Variants in CNOT1 observed in about 807,000 individuals in gnomAD.
CNOT1 encodes CCR4-NOT transcription complex subunit 1.
CNOT1 carries 15 observed loss-of-function variants against 273.8 expected under a neutral mutation model. The ratio of observed to expected loss-of-function variants is 0.05; its 90% CI spans 0.04 to 0.08. The LOEUF (loss-of-function observed/expected upper bound fraction) is 0.08, where lower values mean the gene tolerates loss of function less well. Ranked by LOEUF, CNOT1 falls within the 10% of genes least tolerant of loss-of-function variation. The pLI is 1.00. For missense variants in CNOT1, 1,644 were observed against 2,912.2 expected, an observed-to-expected ratio of 0.56 and a Z score of 10.02; for synonymous variants, 1,022 against 1,005.5, an observed-to-expected ratio of 1.02 and a Z score of -0.31.
chr16:58,586,831 A>C, intron 6 of CNOT1, 83 bp from the exon 7 acceptor site: 1 of 1,431,682 alleles, frequency 7.0e-7, no homozygotes, highest in Non-Finnish European at 9.6e-7. Context: ...AAATGCAGAT[A>C]ATCACCCTTC....
chr16:58,594,760 C>A (rs2042188990), intron 2 of CNOT1, among the ~76,000 whole-genome samples: 1 of 151,108 alleles, frequency 6.6e-6, no homozygotes, highest in African/African-American at 2.4e-5. Flanking sequence ...TGAGATTATG[C>A]CACTGCACTC....
intron 10 of CNOT1, 44 bp downstream of exon 10, chr16:58,582,749 C>A: frequency 8.9e-7 from 1 of 1,129,644 alleles, no homozygotes; most frequent in Non-Finnish European, 1.3e-6. Flanking sequence ...TGGACTATAT[C>A]ATTCAAATAC....
chr16:58,576,315 TTGGTCAGGC>T, intron 14 of CNOT1, 139 bp downstream of exon 14: 1 of 1,098,418 alleles, frequency 9.1e-7, no homozygotes, highest in African/African-American at 1.6e-5. Flanking sequence ...TCACCATGTT[TTGGTCAGGC>T]TGGTCTCGAA....
chr16:58,574,498 T>A, intron 16 of CNOT1, 111 bp downstream of exon 16: 1 of 1,069,294 alleles, frequency 9.4e-7, no homozygotes, highest in South Asian at 1.8e-5. Context: ...CTTAAAACCA[T>A]TGGACCATTT....
intron 22 of CNOT1, 32 bp downstream of exon 22, chr16:58,553,750 C>G (rs2040534943): frequency 6.3e-7 from 1 of 1,599,948 alleles, no homozygotes; most frequent in East Asian, 2.3e-5. Context: ...TACTACATAG[C>G]TATTTGGGTT....
intron 1 of CNOT1, among the ~76,000 whole-genome samples, chr16:58,609,381 C>A (rs1409734370): frequency 4.7e-5 from 7 of 147,554 alleles, no homozygotes; most frequent in African/African-American, 1.5e-4. Context: ...CAAAAAAAAA[C>A]ACAACAAAAT....
chr16:58,598,754 G>C (rs2042357113), intron 2 of CNOT1, among the ~76,000 whole-genome samples: 2 of 152,006 alleles, frequency 1.3e-5, no homozygotes, highest in African/African-American at 4.8e-5. Context: ...AAAAAGCTGT[G>C]AAAAATCTTT....
At chr16:58,604,621 T>TA (rs869046701) in intron 1 of CNOT1, among the ~76,000 whole-genome samples, 42,327 of 120,624 alleles carry the variant, frequency 0.35, 7,954 homozygotes, top group Non-Finnish European at 0.44. Flanking sequence ...ATCTCTGCTA[T>TA]AAAAAAAAAA....
intron 2 of CNOT1, among the ~76,000 whole-genome samples, chr16:58,590,024 T>C (rs912475263): frequency 1.3e-5 from 2 of 152,232 alleles, no homozygotes; most frequent in African/African-American, 4.8e-5. Flanking sequence ...TACCACTACC[T>C]GCTAATTTGT....
intron 2 of CNOT1, among the ~76,000 whole-genome samples, chr16:58,593,641 GA>G (rs1364653413): frequency 4.6e-5 from 7 of 151,530 alleles, no homozygotes; most frequent in Non-Finnish European, 7.4e-5. Flanking sequence ...GGCTGAGGCA[GA>G]AGAACTGCTT....
chr16:58,555,121 T>C (rs575765907), intron 21 of CNOT1, 130 bp downstream of exon 21: 5 of 1,318,176 alleles, frequency 3.8e-6, no homozygotes, highest in African/African-American at 1.5e-5. Context: ...AGTGGGAGAA[T>C]CACTTGAGCC....
intron 23 of CNOT1, 126 bp downstream of exon 23, chr16:58,551,463 G>A (rs1289550973): frequency 4.0e-6 from 5 of 1,260,522 alleles, no homozygotes; most frequent in Non-Finnish European, 5.5e-6. Flanking sequence ...TACAAAGGAA[G>A]ACATGTCAGT....
chr16:58,616,457 A>C (rs573840210), intron 1 of CNOT1, among the ~76,000 whole-genome samples: 5 of 152,030 alleles, frequency 3.3e-5, no homozygotes, highest in Admixed American at 3.3e-4. Context: ...GGGTCTTGCT[A>C]TATTGCCCAG....
chr16:58,549,845 C>T lies in CNOT1; in HGVS notation c.3396G>A (p.Gln1132=). The change falls in exon 25 of 49, where the codon CAG becomes CAA. Residue 1132 remains glutamine (Q), a synonymous_variant. Transcript: ENST00000317147. ...VKEEFMPWVS[Q]YLVMKRVSIE... ...TACTGACTCTCTTCATAACCAGATA[C>T]TGTGAAACCCAAGGCATAAATTCTT... 1 of 1,614,034 alleles carries T rather than the reference C, an allele frequency of 6.2e-7. No individual in the cohort carries two copies. Among genetic ancestry groups the T allele is most frequent in the Non-Finnish European group, 8.5e-7 (1 of 1,179,978 alleles).
chr16:58,589,685 G>GT (rs2041991511), intron 2 of CNOT1, among the ~76,000 whole-genome samples: 1 of 152,014 alleles, frequency 6.6e-6, no homozygotes, highest in Non-Finnish European at 1.5e-5. Flanking sequence ...ACAATTTTAC[G>GT]TAACTCAAAT....
intron 1 of CNOT1, among the ~76,000 whole-genome samples, chr16:58,609,090 C>G (rs1248309816): frequency 6.6e-6 from 1 of 152,240 alleles, no homozygotes; most frequent in African/African-American, 2.4e-5. Flanking sequence ...AAAGAACTTA[C>G]TCGCCAGGGG....
chr16:58,610,773 G>A (rs1024797366), intron 1 of CNOT1, among the ~76,000 whole-genome samples: 2 of 151,850 alleles, frequency 1.3e-5, no homozygotes, highest in African/African-American at 2.4e-5. Flanking sequence ...AACCCAGGAG[G>A]TGGAGCTTGC....
chr16:58,567,636 GTGTC>G (rs1379065041), intron 16 of CNOT1, among the ~76,000 whole-genome samples: 1 of 150,652 alleles, frequency 6.6e-6, no homozygotes, highest in African/African-American at 2.4e-5. Context: ...AACTAGAAAA[GTGTC>G]TGAATCAACT....
intron 2 of CNOT1, among the ~76,000 whole-genome samples, chr16:58,594,181 T>C (rs1228472537): frequency 6.7e-6 from 1 of 149,470 alleles, no homozygotes. Flanking sequence ...GAGGCGGAGG[T>C]TGCAGTGAGT....
Sources: allele counts gnomAD v4.1 joint callset (sites outside exome capture counted in the v4.1 genomes callset), GRCh38; gene constraint gnomAD v4.1.1; transcripts MANE v1.5; gene names NCBI Gene and HGNC (gene_info 2026-07-23, HGNC 2026-07-21).